The following FHIP1B variants were observed in gnomAD, a reference collection of about 807,000 sequenced individuals.
The protein encoded by FHIP1B is FHF complex subunit HOOK-interacting protein 1B.
A neutral mutation model predicts 82.2 loss-of-function variants in FHIP1B; 28 were observed. The observed-to-expected ratio is 0.34, with a 90% CI of 0.25 to 0.47. The LOEUF is 0.47. Among genes scored for constraint, FHIP1B ranks in the 20% least tolerant of loss-of-function variants. The probability of loss-of-function intolerance (pLI) is 1.00; values close to 1 mark genes in which losing one functional copy is unlikely to be tolerated. For missense variants in FHIP1B, 1,110 were observed against 1,262.6 expected, an observed-to-expected ratio of 0.88 and a Z score of 1.83; for synonymous variants, 585 against 516.1, an observed-to-expected ratio of 1.13 and a Z score of -1.81.
At chr11:6,215,003 G>A in intron 9 of FHIP1B, 92 bp from the exon 10 acceptor site, 1 of 1,243,368 alleles carries the variant, frequency 8.0e-7, no homozygotes, top group Non-Finnish European at 1.1e-6. Flanking sequence ...ACCCCCACCA[G>A]ATGAAAAGTA....
Position 6,211,690 on chromosome 11 carries a change from G to A in FHIP1B, c.2735C>T (p.Pro912Leu). 1 of 1,614,172 alleles carries A rather than the reference G, an allele frequency of 6.2e-7. No individual in the cohort carries two copies. The highest frequency in any genetic ancestry group is 8.5e-7 in the Non-Finnish European group (1 of 1,180,014). The change falls in exon 12 of 12, where the codon CCT becomes CTT. Residue 912 changes from proline (P) to leucine (L), a missense_variant. Around this residue, in one of 6 missense-constraint regions of FHIP1B, gnomAD observed 147 missense variants for 154.0 expected, o/e 0.95. Coordinates refer to ENST00000449352, the MANE Select transcript of FHIP1B (RefSeq NM_001098794.2). ...TPVLLTRGGA[P>L]ERQGEALRVK... ...TCGAAGAGCCTCACCTTGGCGTTCA[G>A]GGGCCCCGCCCCGGGTGAGTAGAAC...
Position 6,217,543 on chromosome 11 carries a change from T to C in FHIP1B, c.2043A>G (p.Leu681=). The change falls in exon 9 of 12, where the codon CTA becomes CTG. Residue 681 remains leucine, a synonymous_variant. Coordinates refer to ENST00000449352, the MANE Select transcript of FHIP1B (RefSeq NM_001098794.2). ...LEGFGQELRE[L]EVALSNGGTG... ...TTCCCCCATTGCTCAATGCCACCTCTAGCTCCCGGAGCTCCTGCCCAAAGC... is the reference window on the plus strand; with the variant it reads ...TTCCCCCATTGCTCAATGCCACCTCCAGCTCCCGGAGCTCCTGCCCAAAGC... 1 of 1,610,114 alleles carries C rather than the reference T, an allele frequency of 6.2e-7. No homozygotes were observed. Among genetic ancestry groups the C allele is most frequent in the Non-Finnish European group, 8.5e-7 (1 of 1,177,520 alleles).
At chr11:6,233,987 T>C (rs770707273) in intron 1 of FHIP1B, among the ~76,000 whole-genome samples, 1 of 152,162 alleles carries the variant, frequency 6.6e-6, no homozygotes, top group African/African-American at 2.4e-5. Flanking sequence ...CTCCAGAATA[T>C]GGAAAGTCCA....
chr11:6,223,344 G>T lies in FHIP1B; in HGVS notation c.778-106C>A. The T allele has an allele frequency of 8.2e-7, 1 of 1,226,288 alleles. No homozygotes were observed. The highest frequency in any genetic ancestry group is 1.1e-6 in the Non-Finnish European group (1 of 882,092). 76.0% of individuals were successfully genotyped at this position (1,226,288 alleles called of 1,614,324 possible). ...AGTTTTGATGGGAATAGGGGTATAA[G>T]CTATTACCAAAGCAAGCATTTGCCT... is the stretch of plus-strand genomic sequence containing the variant. On this transcript the variant is annotated intron_variant, in intron 3 of 11. Coordinates refer to ENST00000449352, the MANE Select transcript of FHIP1B (RefSeq NM_001098794.2). This position sits in a 1 kb window ranked among gnomAD's most constrained non-coding sequence, Gnocchi z 4.8.
Position 6,222,802 on chromosome 11 carries a change from G to A in FHIP1B, c.1023+9C>T, listed in dbSNP as rs754545543. The A allele has an allele frequency of 1.2e-6, 2 of 1,613,586 alleles. No homozygotes were observed. Among genetic ancestry groups the A allele is most frequent in the Middle Eastern group, 1.6e-4 (1 of 6,082 alleles). On this transcript the variant is annotated intron_variant, in intron 5 of 11. Transcript: ENST00000449352. The stretch of plus-strand genomic sequence containing the variant: ...GCCCCTTATATGCCTTGCCACCCAT[G>A]ACTCTCACCTTGTGCAAGGCAGGAC...
At chr11:6,234,131 C>G (rs890176704) in intron 1 of FHIP1B, among the ~76,000 whole-genome samples, 1 of 152,072 alleles carries the variant, frequency 6.6e-6, no homozygotes, top group Non-Finnish European at 1.5e-5. Context: ...ATCCAAGTCT[C>G]ACAAGCCCTA....
In FHIP1B at chr11:6,217,730, C is replaced by A. The variant is rs3750943; in HGVS notation, c.1856G>T (p.Arg619Leu). The change falls in exon 9 of 12, where the codon CGG becomes CTG. Residue 619 changes from arginine to leucine, a missense_variant. By Grantham distance (102) the Arg-to-Leu change is moderately radical (BLOSUM62 -2). Coordinates refer to ENST00000449352, the MANE Select transcript of FHIP1B (RefSeq NM_001098794.2). ...AGGGCCCTCCCCTGCACCCCCAGCC[C>A]GCCCCCTCCTCCCCAGCTCTTCCTC... ...GEEEELGRRG[R>L]AGGAGEGPGH... 246,577 of 1,596,750 alleles carry A rather than the reference C, an allele frequency of 0.15. 19,812 individuals carry two copies. The highest frequency in any genetic ancestry group is 0.22 in the East Asian group (9,786 of 44,358).
Position 6,224,477 on chromosome 11 carries a change from C to G in FHIP1B, c.40G>C (p.Gly14Arg), listed in dbSNP as rs1424773042. The stretch of plus-strand genomic sequence containing the variant: ...CCTTGAGGTATACGGTGCCCAGGGC[C>G]CCGGGAGGCCAGTCTGCTCAGCCAA... Reference protein sequence around the residue: ...MNWLSRLASRGPGHRIPQGAN... With the variant: ...MNWLSRLASRRPGHRIPQGAN... Residue 14 changes from glycine (G) to arginine (R), a missense_variant, in exon 2 of 12, where the codon GGC becomes CGC. Physicochemically the swap from Gly to Arg is moderately radical, Grantham distance 125 (BLOSUM62 -2). This residue lies in a region of FHIP1B where 467 missense variants were observed against 602.9 expected (regional missense o/e 0.77). Transcript: ENST00000449352. The G allele has an allele frequency of 6.2e-7, 1 of 1,613,866 alleles. No individual in the cohort carries two copies. The highest frequency in any genetic ancestry group is 1.3e-5 in the African/African-American group (1 of 74,902).
At chr11:6,215,997 T>C (rs1291038853) in intron 9 of FHIP1B, among the ~76,000 whole-genome samples, 1 of 152,154 alleles carries the variant, frequency 6.6e-6, no homozygotes, top group African/African-American at 2.4e-5. Context: ...CATAATTTTG[T>C]CCTGTTCCTT....
chr11:6,218,492 A>G lies in FHIP1B; in HGVS notation c.1435+108T>C, dbSNP rs534244241. ...CCTCCCCAAAGACAGACTATCATTC[A>G]TGGACACCTTCCTCCCCTTCACCCC... On this transcript the variant is annotated intron_variant, in intron 8 of 11. Coordinates refer to ENST00000449352, the MANE Select transcript of FHIP1B (RefSeq NM_001098794.2). The G allele has an allele frequency of 5.8e-5, 87 of 1,511,942 alleles. No homozygotes were observed. In the African/African-American group the frequency reaches 1.0e-3, roughly 18 times the overall value. The allele number at this position is 1,511,942 out of a possible 1,614,324, so 93.7% of individuals were successfully genotyped here. A position where few individuals can be genotyped will look rare whatever the true frequency, so the allele number is the denominator to read the frequency against.
intron 11 of FHIP1B, among the ~76,000 whole-genome samples, chr11:6,212,795 A>C (rs1312238392): frequency 6.6e-6 from 1 of 152,040 alleles, no homozygotes; most frequent in African/African-American, 2.4e-5. Flanking sequence ...TTTCTTTTCA[A>C]ACTCTCCACA....
intron 1 of FHIP1B, among the ~76,000 whole-genome samples, chr11:6,229,838 T>C (rs966140465): frequency 1.3e-5 from 2 of 152,114 alleles, no homozygotes; most frequent in African/African-American, 4.8e-5. Context: ...CCTGTTCACA[T>C]ACAACAAAAG....
chr11:6,218,235 G>A, intron 8 of FHIP1B, 85 bp from the exon 9 acceptor site: 1 of 1,474,790 alleles, frequency 6.8e-7, no homozygotes, highest in Non-Finnish European at 9.0e-7. Context: ...TAAGAAAGAA[G>A]ACAATGGGGA....
chr11:6,215,025 G>T, intron 9 of FHIP1B, 114 bp from the exon 10 acceptor site: 1 of 1,056,208 alleles, frequency 9.5e-7, no homozygotes, highest in Non-Finnish European at 1.3e-6. Flanking sequence ...TTGTATGTCA[G>T]CCTCTGGGTA....
At position 6,218,630 on chromosome 11, in the gene FHIP1B, G is replaced by C; in HGVS notation, c.1405C>G (p.Pro469Ala). ...RCCRHHAPSP[P>A]RPEHASWARG... ...GCCCATGAGGCATGCTCTGGACGAG[G>C]TGGGCTGGGGGCGTGGTGCCGACAA... The change falls in exon 8 of 12, where the codon CCT (proline) becomes GCT (alanine). Residue 469 changes from proline (P) to alanine (A), a missense_variant. Pro to Ala is a conservative substitution (Grantham distance 27). Around this residue, in one of 6 missense-constraint regions of FHIP1B, gnomAD observed 418 missense variants for 371.4 expected, o/e 1.13. Coordinates refer to ENST00000449352, the MANE Select transcript of FHIP1B (RefSeq NM_001098794.2). 1.2e-6 allele frequency: 2 copies of C among 1,614,166 alleles called. No individual in the cohort carries two copies. The highest frequency in any genetic ancestry group is 1.7e-6 in the Non-Finnish European group (2 of 1,180,032).
At position 6,222,562 on chromosome 11, in the gene FHIP1B, G is replaced by A; in HGVS notation, c.1071C>T (p.Phe357=). The A allele has an allele frequency of 6.2e-7, 1 of 1,614,130 alleles. No homozygotes were observed. Among genetic ancestry groups the A allele is most frequent in the Non-Finnish European group, 8.5e-7 (1 of 1,180,006 alleles). ...AAGCAGGCTCTGAGATACTCCGTAG[G>A]AAAAGTTCCAGATAGGCGGTACTGG... is the stretch of plus-strand genomic sequence containing the variant. The part of the protein sequence containing the change: ...MIASTAYLEL[F]LRSISEPALL... The change falls in exon 6 of 12, where the codon TTC becomes TTT. Residue 357 remains phenylalanine, a synonymous_variant. Coordinates refer to ENST00000449352, the MANE Select transcript of FHIP1B (RefSeq NM_001098794.2).
intron 11 of FHIP1B, among the ~76,000 whole-genome samples, chr11:6,214,034 GAAAAA>G (rs59502569): frequency 3.0e-4 from 11 of 36,608 alleles, no homozygotes; most frequent in African/African-American, 4.3e-4. Flanking sequence ...GACCTCTCCT[GAAAAA>G]AAAAAAAAAA....
chr11:6,224,761 C>A, intron 1 of FHIP1B, 54 bp from the exon 2 acceptor site: 1 of 506,668 alleles, frequency 2.0e-6, no homozygotes, highest in South Asian at 2.6e-5. Context: ...CTTTCCAGAA[C>A]TCAGAACCAC....
Position 6,224,570 on chromosome 11 carries a change from A to G in FHIP1B, c.-54T>C. 6.5e-7 allele frequency: 1 copy of G among 1,536,626 alleles called. No homozygotes were observed. Among genetic ancestry groups the G allele is most frequent in the Non-Finnish European group, 8.7e-7 (1 of 1,146,430 alleles). On this transcript the variant is annotated 5_prime_UTR_variant, in exon 2 of 12. Transcript: ENST00000449352. ...GAGGCCTACACTCTGAGGATTTGCC[A>G]GCTGGAGGTTTTCTCCACTTGTGTC... is the stretch of plus-strand genomic sequence containing the variant.
Sources: allele counts gnomAD v4.1 joint callset (sites outside exome capture counted in the v4.1 genomes callset), GRCh38; gene constraint gnomAD v4.1.1; regional missense constraint gnomAD v4.1.1; non-coding constraint Gnocchi (gnomAD v3.1); transcripts MANE v1.5; gene names NCBI Gene and HGNC (gene_info 2026-07-23, HGNC 2026-07-21).